ABCA8: variants seen among roughly 807,000 people sequenced by gnomAD.
ABCA8 encodes ABC-type organic anion transporter ABCA8.
In ABCA8, 177 loss-of-function variants were observed where a neutral mutation model predicts 192.3. The observed-to-expected ratio is 0.92, with a 90% CI of 0.81 to 1.04. The LOEUF is 1.04. ABCA8 is among the 50% of genes least tolerant of loss of function. ABCA8 has a pLI of 0.00. For missense variants in ABCA8, 1,915 were observed against 1,904.8 expected, an observed-to-expected ratio of 1.01 and a Z score of -0.10; for synonymous variants, 642 against 690.2, an observed-to-expected ratio of 0.93 and a Z score of 1.09.
chr17:68,893,086 A>T (rs1242186675), intron 23 of ABCA8, among the ~76,000 whole-genome samples: 1 of 152,204 alleles, frequency 6.6e-6, no homozygotes, highest in Non-Finnish European at 1.5e-5. Context: ...GGCCATATAT[A>T]TTATCATAAA....
At chr17:68,893,973 G>T in intron 23 of ABCA8, 200 bp downstream of exon 23, 1 of 490,370 alleles carries the variant, frequency 2.0e-6, no homozygotes, top group Admixed American at 3.3e-5. Context: ...AAAATGTTTT[G>T]TTCATTTTAT....
intron 10 of ABCA8, among the ~76,000 whole-genome samples, chr17:68,927,027 GGGTGGATTACCT>G (rs1328693440): frequency 6.6e-6 from 1 of 152,092 alleles, no homozygotes; most frequent in East Asian, 1.9e-4. Flanking sequence ...AGGCCGAGGC[GGGTGGATTACCT>G]GAGATCAGGA....
chr17:68,884,728 G>A lies in ABCA8; in HGVS notation c.3550-332C>T, dbSNP rs868425344. 6 of 1,062,526 alleles carry A rather than the reference G, an allele frequency of 5.6e-6. No homozygotes were observed. In the African/African-American group the frequency reaches 6.7e-5, roughly 12 times the overall value. The allele number at this position is 1,062,526 out of a possible 1,614,324, so 65.8% of individuals were successfully genotyped here. ...TGTGCCCATCGTTTCTCTTTGTGGG[G>A]CCCCTTCTCTTCCTTTCCCCTTCCC... On this transcript the variant is annotated intron_variant, in intron 27 of 39. Coordinates refer to ENST00000586539, the MANE Select transcript of ABCA8 (RefSeq NM_001288985.2).
At chr17:68,940,288 T>C (rs2068188933) in intron 4 of ABCA8, among the ~76,000 whole-genome samples, 1 of 152,076 alleles carries the variant, frequency 6.6e-6, no homozygotes, top group Admixed American at 6.6e-5. Flanking sequence ...CAAGCACATG[T>C]TTTTGGTGTT....
intron 6 of ABCA8, 84 bp downstream of exon 6, chr17:68,933,084 T>G: frequency 1.1e-6 from 1 of 944,312 alleles, no homozygotes; most frequent in Non-Finnish European, 1.7e-6. Flanking sequence ...TATCCACTTA[T>G]ATTTTCTTCC....
chr17:68,946,334 G>T (rs929368890), intron 2 of ABCA8, among the ~76,000 whole-genome samples: 2 of 152,050 alleles, frequency 1.3e-5, no homozygotes, highest in African/African-American at 4.8e-5. Context: ...CCAAAGTGCT[G>T]GGATTACAGG....
chr17:68,946,950 AG>A (rs2068427449), intron 2 of ABCA8, among the ~76,000 whole-genome samples: 1 of 37,970 alleles, frequency 2.6e-5, no homozygotes, highest in Non-Finnish European at 7.5e-5. Flanking sequence ...AAAGAAAGAG[AG>A]AGAGAGAGAG....
chr17:68,954,723 T>G (rs560612965), intron 1 of ABCA8, among the ~76,000 whole-genome samples: 2 of 152,334 alleles, frequency 1.3e-5, no homozygotes, highest in East Asian at 3.9e-4. Flanking sequence ...TCTAAAATTC[T>G]TATAGACTAA....
chr17:68,915,678 G>T (rs1257576646), intron 17 of ABCA8, among the ~76,000 whole-genome samples: 1 of 152,100 alleles, frequency 6.6e-6, no homozygotes. Flanking sequence ...CTGTTGGTGG[G>T]AATGTAAATT....
Position 68,902,807 on chromosome 17 carries a change from A to C in ABCA8, c.2670T>G (p.Ser890Arg), listed in dbSNP as rs1206853333. Residue 890 changes from serine (S) to arginine (R), a missense_variant, in exon 21 of 40, where the codon AGT (serine) becomes AGG (arginine). Coordinates refer to ENST00000586539, the MANE Select transcript of ABCA8 (RefSeq NM_001288985.2). ...EYTMVKIYQN[S>R]YTWELSPHLY... ...AATGAGGAGAAAGTTCCCAGGTGTA[A>C]CTGTTTTGATATATTTTCACCATGG... is the stretch of plus-strand genomic sequence containing the variant. The C allele has an allele frequency of 6.2e-7, 1 of 1,613,824 alleles. No homozygotes were observed. Among genetic ancestry groups the C allele is most frequent in the Admixed American group, 1.7e-5 (1 of 60,018 alleles).
intron 28 of ABCA8, 128 bp from the exon 29 acceptor site, chr17:68,884,010 C>A (rs950483822): frequency 3.0e-6 from 2 of 663,994 alleles, no homozygotes; most frequent in Non-Finnish European, 2.5e-6. Context: ...TCCTAATAAC[C>A]TATCCAGCAA....
rs1235062841 is a variant in ABCA8, at chr17:68,902,753, T to G, written c.2724A>C (p.Pro908=). The change falls in exon 21 of 40, where the codon CCA becomes CCC. Residue 908 remains proline (P), a synonymous_variant. Coordinates refer to ENST00000586539, the MANE Select transcript of ABCA8 (RefSeq NM_001288985.2). ...HLYFLAPGQQ[P]HDPLTQLLII... is the part of the protein sequence containing the mutation. ...TCAGTAGTTGAGTGAGAGGGTCATG[T>G]GGTTGTTGTCCAGGAGCAAGGAAAT... 5 of 1,613,856 alleles carry G rather than the reference T, an allele frequency of 3.1e-6. No individual in the cohort carries two copies. In the East Asian group the frequency reaches 8.9e-5, roughly 29 times the overall value.
intron 17 of ABCA8, among the ~76,000 whole-genome samples, chr17:68,914,065 C>T (rs993762388): frequency 2.0e-5 from 3 of 152,084 alleles, no homozygotes; most frequent in African/African-American, 7.2e-5. Flanking sequence ...ATGATCACTT[C>T]AACTGATGCT....
At position 68,923,346 on chromosome 17, in the gene ABCA8, T is replaced by C. The variant is rs188376879; in HGVS notation, c.1443-1046A>G. Among the ~76,000 whole-genome samples, 18 of 152,028 alleles carry C rather than the reference T, an allele frequency of 1.2e-4. No homozygotes were observed. The East Asian group carries it at 3.5e-3, about 29-fold the overall frequency. The stretch of plus-strand genomic sequence containing the variant: ...ACCCAAGTAGCTGGGATTACTGACG[T>C]GTAGCACCATGCTTGGCTAATTTTT... On this transcript the variant is annotated intron_variant, in intron 11 of 39. Coordinates refer to ENST00000586539, the MANE Select transcript of ABCA8 (RefSeq NM_001288985.2).
rs2068245191 is a variant in ABCA8 at position 68,942,038 on chromosome 17, G to C, written c.-4C>G. ...CACTGATCTTTCTCTTCCTCATCTT[G>C]TCTTGTTTAATGAAAAAGAAAGAAG... On this transcript the variant is annotated splice_region_variant and 5_prime_UTR_variant, in exon 3 of 40. Transcript: ENST00000586539. 1 of 1,597,914 alleles carries C rather than the reference G, an allele frequency of 6.3e-7. No individual in the cohort carries two copies. Among genetic ancestry groups the C allele is most frequent in the Non-Finnish European group, 8.5e-7 (1 of 1,170,696 alleles).
chr17:68,885,644 C>A (rs1372109714), intron 26 of ABCA8, among the ~76,000 whole-genome samples: 1 of 151,848 alleles, frequency 6.6e-6, no homozygotes, highest in Non-Finnish European at 1.5e-5. Flanking sequence ...AACTCCTGGG[C>A]TCAAGTGATC....
chr17:68,902,353 C>T (rs1421838884), intron 21 of ABCA8, among the ~76,000 whole-genome samples: 1 of 152,124 alleles, frequency 6.6e-6, no homozygotes, highest in Non-Finnish European at 1.5e-5. Flanking sequence ...TGAAAATATT[C>T]TAAAAGGGAT....
rs531688712 is a variant in ABCA8 at position 68,899,571 on chromosome 17, T to G, written c.2764+3142A>C. ...GGAAGTTATAACATTTATAAACGTATATACACTTAAGAGAGACTCGAAATA... is the reference window on the plus strand; with the variant it reads ...GGAAGTTATAACATTTATAAACGTAGATACACTTAAGAGAGACTCGAAATA... On this transcript the variant is annotated intron_variant, in intron 21 of 39. Coordinates refer to ENST00000586539, the MANE Select transcript of ABCA8 (RefSeq NM_001288985.2). 2.0e-5 allele frequency among the ~76,000 whole-genome samples: 3 copies of G among 152,176 alleles called. No homozygotes were observed. In the South Asian group the frequency reaches 6.2e-4, roughly 32 times the overall value.
rs559499035 is a variant in ABCA8, at chr17:68,894,871, C to G, written c.2898+9G>C. The G allele has an allele frequency of 6.2e-7, 1 of 1,608,548 alleles. No homozygotes were observed. Among genetic ancestry groups the G allele is most frequent in the Admixed American group, 1.7e-5 (1 of 59,018 alleles). Reference sequence around the variant, plus strand: ...CATTTTTCAGAAAGATTATTAGAGACCTGCATACCTTTTCATTACAACACA... The same window carrying G: ...CATTTTTCAGAAAGATTATTAGAGAGCTGCATACCTTTTCATTACAACACA... On this transcript the variant is annotated intron_variant, in intron 22 of 39. Coordinates refer to ENST00000586539, the MANE Select transcript of ABCA8 (RefSeq NM_001288985.2).
Sources: gnomAD v4.1 joint callset for allele counts (sites outside exome capture counted in the v4.1 genomes callset) on GRCh38, gnomAD v4.1.1 for gene constraint, MANE v1.5 for transcripts, NCBI Gene and HGNC (gene_info 2026-07-23, HGNC 2026-07-21) for gene names.